Variants in RERE observed in about 807,000 individuals in gnomAD.
The protein encoded by RERE is arginine-glutamic acid dipeptide repeats protein.
A neutral mutation model predicts 146.1 loss-of-function variants in RERE; 40 were observed. The ratio of observed to expected loss-of-function variants is 0.27; its 90% CI spans 0.21 to 0.36. The LOEUF is 0.36. Among genes scored for constraint, RERE ranks in the 10% least tolerant of loss-of-function variants. The pLI, the probability that RERE is intolerant of heterozygous loss-of-function variation, is 1.00. For missense variants in RERE, 1,933 were observed against 2,138.7 expected, an observed-to-expected ratio of 0.90 and a Z score of 1.90; for synonymous variants, 1,003 against 866.0, an observed-to-expected ratio of 1.16 and a Z score of -2.78.
intron 1 of RERE, among the ~76,000 whole-genome samples, chr1:8,683,484 G>GA (rs1351749939): frequency 3.9e-5 from 6 of 152,100 alleles, no homozygotes; most frequent in Admixed American, 6.6e-5. Flanking sequence ...GAGACACACA[G>GA]AAATTCTACA....
chr1:8,399,704 C>T (rs1643180665), intron 12 of RERE, among the ~76,000 whole-genome samples: 1 of 151,992 alleles, frequency 6.6e-6, no homozygotes, highest in Non-Finnish European at 1.5e-5. Context: ...GTAAGGGGAT[C>T]TTTATAATGC....
At chr1:8,715,371 C>T (rs1042102673) in intron 1 of RERE, among the ~76,000 whole-genome samples, 14 of 151,526 alleles carry the variant, frequency 9.2e-5, no homozygotes, top group African/African-American at 3.1e-4. Context: ...ATTAGCCAGG[C>T]GTGGTGGCAG....
intron 12 of RERE, among the ~76,000 whole-genome samples, chr1:8,372,401 C>A (rs940994140): frequency 5.9e-5 from 9 of 151,938 alleles, no homozygotes; most frequent in African/African-American, 2.2e-4. Flanking sequence ...CCCAAGAAGT[C>A]TGGACACTCC....
intron 1 of RERE, among the ~76,000 whole-genome samples, chr1:8,743,244 A>G (rs956831691): frequency 6.6e-6 from 1 of 152,010 alleles, no homozygotes; most frequent in African/African-American, 2.4e-5. Flanking sequence ...AAAAAATTTT[A>G]AAAATTAGCC....
chr1:8,710,795 G>A (rs373794607), intron 1 of RERE, among the ~76,000 whole-genome samples: 13 of 152,126 alleles, frequency 8.5e-5, no homozygotes, highest in African/African-American at 2.4e-4. Context: ...GATTACAGGC[G>A]TGAGCCACCG....
chr1:8,695,233 C>A (rs1430745173), intron 1 of RERE, among the ~76,000 whole-genome samples: 1 of 152,036 alleles, frequency 6.6e-6, no homozygotes, highest in African/African-American at 2.4e-5. Context: ...AGAACTGGAC[C>A]GCTACCTTTT....
intron 11 of RERE, among the ~76,000 whole-genome samples, chr1:8,461,582 CAAGATTTGA>C (rs1178807260): frequency 3.3e-5 from 5 of 152,132 alleles, no homozygotes; most frequent in African/African-American, 9.7e-5. Flanking sequence ...GGCTTCAGTT[CAAGATTTGA>C]AGTGTCTCAG....
chr1:8,803,920 C>T (rs1641636344), intron 1 of RERE, among the ~76,000 whole-genome samples: 1 of 152,102 alleles, frequency 6.6e-6, no homozygotes, highest in South Asian at 2.1e-4. Flanking sequence ...TAAATTCTCA[C>T]TAAGCTATGC....
intron 4 of RERE, among the ~76,000 whole-genome samples, chr1:8,563,852 A>G (rs916753311): frequency 6.6e-6 from 1 of 152,270 alleles, no homozygotes; most frequent in African/African-American, 2.4e-5. Flanking sequence ...CATTTCCACA[A>G]CATGGTGATA....
intron 11 of RERE, among the ~76,000 whole-genome samples, chr1:8,433,150 C>G (rs1313381266): frequency 6.6e-6 from 1 of 152,202 alleles, no homozygotes; most frequent in Non-Finnish European, 1.5e-5. Context: ...GTACTGGTAA[C>G]TAGCCCTATC....
chr1:8,641,351 T>C (rs1647174410), intron 2 of RERE, among the ~76,000 whole-genome samples: 1 of 152,178 alleles, frequency 6.6e-6, no homozygotes, highest in African/African-American at 2.4e-5. Context: ...AAGGCATCTA[T>C]GTATAATTAT....
intron 11 of RERE, among the ~76,000 whole-genome samples, chr1:8,451,657 G>A (rs577382709): frequency 2.0e-5 from 3 of 152,200 alleles, no homozygotes; most frequent in East Asian, 1.9e-4. Flanking sequence ...GCTGTACACC[G>A]ACAGCTCTCA....
chr1:8,778,111 A>C (rs1641102070), intron 1 of RERE, among the ~76,000 whole-genome samples: 2 of 152,166 alleles, frequency 1.3e-5, no homozygotes, highest in Admixed American at 1.3e-4. Flanking sequence ...CACCACACTA[A>C]GCAAACAGCA....
At chr1:8,804,760 G>C (rs75418562) in intron 1 of RERE, among the ~76,000 whole-genome samples, 106 of 151,882 alleles carry the variant, frequency 7.0e-4, no homozygotes, top group Non-Finnish European at 1.1e-3. Context: ...TGACAAAAAG[G>C]AAAGAGTTAC....
chr1:8,367,403 C>G (rs985934568), intron 12 of RERE, among the ~76,000 whole-genome samples: 1 of 152,138 alleles, frequency 6.6e-6, no homozygotes, highest in African/African-American at 2.4e-5. Flanking sequence ...GAAGTGGGAC[C>G]ACGGCTGCGG....
intron 4 of RERE, among the ~76,000 whole-genome samples, chr1:8,602,390 CAAAA>C (rs34191037): frequency 7.2e-6 from 1 of 138,528 alleles, no homozygotes. Context: ...GACTCCATCT[CAAAA>C]AAAAAAAAAG....
At chr1:8,702,923 A>G (rs1045201523) in intron 1 of RERE, 1 of 152,124 alleles carries the variant, frequency 6.6e-6, no homozygotes, top group Non-Finnish European at 1.5e-5. Context: ...TCTTAGGAAC[A>G]CCCGAGTTCC....
rs1166489139 is a variant in RERE at position 8,468,111 on chromosome 1, A to C, written c.1105-2088T>G. On this transcript the variant is annotated intron_variant, in intron 10 of 22. Coordinates refer to ENST00000400908, the MANE Select transcript of RERE (RefSeq NM_001042681.2). ...AAATCAACTATCTTAAAACAAAACA[A>C]AACACCTACAACAATGATCAATACT... Among the ~76,000 whole-genome samples, 3 of 152,218 alleles carry C rather than the reference A, an allele frequency of 2.0e-5. No homozygotes were observed. In the East Asian group the frequency reaches 5.8e-4, roughly 29 times the overall value.
intron 1 of RERE, among the ~76,000 whole-genome samples, chr1:8,670,634 T>C (rs1322603143): frequency 6.6e-6 from 1 of 152,056 alleles, no homozygotes; most frequent in Non-Finnish European, 1.5e-5. Flanking sequence ...GCAAGTTACA[T>C]GGTTAAAGTG....
Sources: gnomAD v4.1 joint callset for allele counts (sites outside exome capture counted in the v4.1 genomes callset) on GRCh38, gnomAD v4.1.1 for gene constraint, MANE v1.5 for transcripts, NCBI Gene and HGNC (gene_info 2026-07-23, HGNC 2026-07-21) for gene names.